The following TUSC3 variants were observed in gnomAD, a reference collection of about 807,000 sequenced individuals.
TUSC3 encodes the protein tumor suppressor candidate 3.
Under a neutral mutation model 44.8 loss-of-function variants are expected in TUSC3, and 45 were observed. That is an observed-to-expected ratio of 1.00 (90% CI 0.79 to 1.29). The LOEUF is 1.29. Among genes scored for constraint, TUSC3 ranks in the 50% most tolerant of loss-of-function variants. The pLI, the probability that TUSC3 is intolerant of heterozygous loss-of-function variation, is 0.00. For missense variants in TUSC3, 519 were observed against 437.9 expected (o/e 1.19, Z -1.65); for synonymous variants, 212 against 152.9 (o/e 1.39, Z -2.85).
the TUSC3 span, among the ~76,000 whole-genome samples, chr8:15,851,874 G>C: frequency 1.2e-4 from 18 of 152,292 alleles, no homozygotes; most frequent in African/African-American, 4.1e-4. Flanking sequence ...GGAGATAACT[G>C]AATCATTGGG....
chr8:15,439,298 G>A (rs1484309628), intron 1 of TUSC3, among the ~76,000 whole-genome samples: 3 of 152,206 alleles, frequency 2.0e-5, no homozygotes, highest in Admixed American at 1.3e-4. Context: ...AGGCACAGTG[G>A]CTCATGCTTG....
chr8:15,713,486 A>G (rs1394304143), intron 6 of TUSC3, among the ~76,000 whole-genome samples: 1 of 152,112 alleles, frequency 6.6e-6, no homozygotes, highest in East Asian at 1.9e-4. Context: ...GTTGTAATAG[A>G]TATATTAGTT....
At chr8:15,638,919 T>G (rs1034562155) in intron 2 of TUSC3, among the ~76,000 whole-genome samples, 1 of 150,714 alleles carries the variant, frequency 6.6e-6, no homozygotes, top group Non-Finnish European at 1.5e-5. Flanking sequence ...GATCATGTGT[T>G]GATGCTAGAT....
chr8:15,475,481 T>C (rs995732563), intron 1 of TUSC3, among the ~76,000 whole-genome samples: 1 of 152,200 alleles, frequency 6.6e-6, no homozygotes, highest in African/African-American at 2.4e-5. Context: ...TATCTCTCAG[T>C]CTCTTAGCCA....
At chr8:15,540,603 G>A (rs1338028947) in intron 1 of TUSC3, 35 bp downstream of exon 1, 2 of 1,518,456 alleles carry the variant, frequency 1.3e-6, no homozygotes, top group Non-Finnish European at 8.9e-7. Context: ...CCCTGTGGGC[G>A]GGGGCGGGCC....
At chr8:15,611,479 A>G (rs550653454) in intron 1 of TUSC3, among the ~76,000 whole-genome samples, 3 of 152,198 alleles carry the variant, frequency 2.0e-5, no homozygotes, top group Non-Finnish European at 4.4e-5. Context: ...GAGCCATCGT[A>G]CCTGGCTACC....
chr8:15,714,860 C>A (rs1254409914), intron 6 of TUSC3, among the ~76,000 whole-genome samples: 2 of 152,132 alleles, frequency 1.3e-5, no homozygotes, highest in Non-Finnish European at 2.9e-5. Context: ...ATACTCAGAA[C>A]TGAATTTTAC....
intron 1 of TUSC3, among the ~76,000 whole-genome samples, chr8:15,430,580 G>A (rs1439931821): frequency 6.6e-6 from 1 of 151,346 alleles, no homozygotes; most frequent in East Asian, 1.9e-4. Context: ...AGACAGGGAT[G>A]CCCTCTCTCA....
chr8:15,576,537 C>A lies in TUSC3; in HGVS notation c.138+35969C>A, dbSNP rs1477446491. 2.7e-5 allele frequency among the ~76,000 whole-genome samples: 4 copies of A among 145,560 alleles called. No homozygotes were observed. In the Admixed American group the frequency reaches 2.8e-4, roughly 10 times the overall value. ...CCATGTGATCTCATTGTTCAGTCCC[C>A]ACCTATGAGTGAGAATATGCCGTGA... On this transcript the variant is annotated intron_variant, in intron 1 of 10. Transcript: ENST00000503731.
chr8:15,560,543 G>T (rs987112301), intron 1 of TUSC3, among the ~76,000 whole-genome samples: 2 of 148,068 alleles, frequency 1.4e-5, no homozygotes, highest in Non-Finnish European at 3.0e-5. Flanking sequence ...GAATCTGAAC[G>T]TTGGCCTGCC....
At chr8:15,463,467 A>C (rs900045256) in intron 1 of TUSC3, among the ~76,000 whole-genome samples, 1 of 152,138 alleles carries the variant, frequency 6.6e-6, no homozygotes, top group African/African-American at 2.4e-5. Flanking sequence ...ATTGGACCTA[A>C]TAAACTCACC....
intron 2 of TUSC3, among the ~76,000 whole-genome samples, chr8:15,627,862 G>C (rs11777204): frequency 0.33 from 49,698 of 152,126 alleles, 8,669 homozygotes; most frequent in East Asian, 0.42. Flanking sequence ...GCAGGCATGG[G>C]ATCCTGGCCG....
chr8:15,783,909 A>G, the TUSC3 span, among the ~76,000 whole-genome samples: 1 of 152,204 alleles, frequency 6.6e-6, no homozygotes, highest in Non-Finnish European at 1.5e-5. Flanking sequence ...TGGAATGAAG[A>G]GAACGCACAG....
chr8:15,517,619 T>A (rs574405832), intron 2 of TUSC3, among the ~76,000 whole-genome samples: 21 of 144,728 alleles, frequency 1.5e-4, no homozygotes, highest in African/African-American at 5.4e-4. Flanking sequence ...CTGGAAAACT[T>A]ACAAAATTTA....
In TUSC3 at chr8:15,483,597, C is replaced by T. The variant is rs186927681; in HGVS notation, n.189+114C>T. ...CAGGTGATCTGCCCACCTTGGCCTC[C>T]CAAAGTGCTGGGATTACAGGCGTGA... On this transcript the variant is annotated intron_variant and non_coding_transcript_variant, in intron 2 of 5. Transcript: ENST00000503191. 284 of 151,574 alleles carry T rather than the reference C, an allele frequency of 1.9e-3. 1 individual carries two copies. In the East Asian group the frequency reaches 0.032, roughly 17 times the overall value. The allele number at this position is 151,574 out of a possible 1,614,324, so 9.4% of individuals were successfully genotyped here.
chr8:15,690,896 A>T (rs147640620), intron 6 of TUSC3, among the ~76,000 whole-genome samples: 26 of 151,736 alleles, frequency 1.7e-4, no homozygotes, highest in African/African-American at 5.3e-4. Context: ...TGTTGTGGTT[A>T]CTGTAGCATT....
intron 1 of TUSC3, among the ~76,000 whole-genome samples, chr8:15,420,390 T>A (rs902152413): frequency 3.3e-5 from 5 of 152,062 alleles, no homozygotes; most frequent in Non-Finnish European, 5.9e-5. Flanking sequence ...TCTCAGCTAC[T>A]TGGAGGCTGA....
chr8:15,775,651 CACACACATATACAT>C, the TUSC3 span, among the ~76,000 whole-genome samples: 12 of 144,906 alleles, frequency 8.3e-5, no homozygotes, highest in Non-Finnish European at 1.4e-4. Flanking sequence ...TATATATATA[CACACACATATACAT>C]ATATACACAC....
At chr8:15,457,007 T>C (rs1325180965) in intron 1 of TUSC3, among the ~76,000 whole-genome samples, 2 of 151,984 alleles carry the variant, frequency 1.3e-5, no homozygotes, top group African/African-American at 4.8e-5. Flanking sequence ...AACTAGCAAA[T>C]GAACTCTATA....
Sources: allele counts gnomAD v4.1 joint callset (sites outside exome capture counted in the v4.1 genomes callset), GRCh38; gene constraint gnomAD v4.1.1; transcripts MANE v1.5; gene names NCBI Gene and HGNC (gene_info 2026-07-23, HGNC 2026-07-21).